SPAG16: variants seen among roughly 807,000 people sequenced by gnomAD.
The protein encoded by SPAG16 is sperm-associated antigen 16 protein.
Under a neutral mutation model 80.4 loss-of-function variants are expected in SPAG16, and 86 were observed. That is an observed-to-expected ratio of 1.07 (90% CI 0.90 to 1.28). The LOEUF is 1.28. Ranked by LOEUF, SPAG16 falls within the 50% of genes most tolerant of loss-of-function variation. SPAG16 has a pLI of 0.00. For synonymous variants in SPAG16, 294 were observed against 265.9 expected (o/e 1.11, Z -1.03); for missense variants, 870 against 765.3 (o/e 1.14, Z -1.61).
chr2:214,124,009 C>CCTAGAATT (rs1559820657), intron 14 of SPAG16, among the ~76,000 whole-genome samples: 1 of 151,496 alleles, frequency 6.6e-6, no homozygotes, highest in African/African-American at 2.4e-5. Context: ...TTTTTTTAAC[C>CCTAGAATT]CTAGAATTCT....
At chr2:213,735,603 G>A (rs1306530921) in intron 10 of SPAG16, among the ~76,000 whole-genome samples, 2 of 152,226 alleles carry the variant, frequency 1.3e-5, no homozygotes, top group Admixed American at 1.3e-4. Flanking sequence ...ATAATGAAAA[G>A]CCTTTAGGGG....
chr2:213,521,610 G>A (rs2075673379), intron 10 of SPAG16, among the ~76,000 whole-genome samples: 1 of 152,186 alleles, frequency 6.6e-6, no homozygotes, highest in African/African-American at 2.4e-5. Context: ...ATGCAGGACA[G>A]ATATTCTTGC....
At chr2:214,145,882 A>G (rs76102347) in intron 14 of SPAG16, among the ~76,000 whole-genome samples, 6,674 of 152,272 alleles carry the variant, frequency 0.044, 205 homozygotes, top group South Asian at 0.073. Context: ...TTCAAAGACC[A>G]AATGTCTAAC....
intron 6 of SPAG16, among the ~76,000 whole-genome samples, chr2:213,345,407 G>T (rs13015825): frequency 0.27 from 24,632 of 90,980 alleles, 4,001 homozygotes; most frequent in Middle Eastern, 0.44. Flanking sequence ...TGTCAATTTT[G>T]GCTTTTGTTG....
At chr2:213,434,542 A>G (rs1302643459) in intron 9 of SPAG16, among the ~76,000 whole-genome samples, 1 of 152,234 alleles carries the variant, frequency 6.6e-6, no homozygotes, top group Non-Finnish European at 1.5e-5. Context: ...AACTTGCAGA[A>G]TAGGAGAAAG....
chr2:214,209,528 T>A (rs1040746411), intron 15 of SPAG16, among the ~76,000 whole-genome samples: 12 of 152,190 alleles, frequency 7.9e-5, no homozygotes, highest in African/African-American at 2.9e-4. Context: ...CTGCTCTTCT[T>A]TCTTGCTCTT....
chr2:213,434,157 T>A (rs1296768392), intron 9 of SPAG16, among the ~76,000 whole-genome samples: 1 of 152,066 alleles, frequency 6.6e-6, no homozygotes, highest in Non-Finnish European at 1.5e-5. Flanking sequence ...TGACCTCAGG[T>A]GATCCACCTG....
chr2:213,472,356 G>C (rs2073126697), intron 9 of SPAG16, among the ~76,000 whole-genome samples: 1 of 152,004 alleles, frequency 6.6e-6, no homozygotes, highest in African/African-American at 2.4e-5. Flanking sequence ...GCTGCAAATG[G>C]AGTCACCACT....
chr2:213,834,015 G>T (rs1379472545), intron 10 of SPAG16, among the ~76,000 whole-genome samples: 1 of 152,032 alleles, frequency 6.6e-6, no homozygotes, highest in Non-Finnish European at 1.5e-5. Context: ...AATCGTGGGG[G>T]CTGGTCCTTC....
chr2:213,985,738 G>C (rs1246996234), intron 12 of SPAG16, among the ~76,000 whole-genome samples: 3 of 152,040 alleles, frequency 2.0e-5, no homozygotes, highest in Non-Finnish European at 4.4e-5. Flanking sequence ...TAAAAGGATG[G>C]AGTACGCAAA....
intron 10 of SPAG16, among the ~76,000 whole-genome samples, chr2:213,585,294 T>TC (rs2060431458): frequency 6.6e-6 from 1 of 151,458 alleles, no homozygotes; most frequent in Non-Finnish European, 1.5e-5. Context: ...TTTTTTTTTT[T>TC]GAAATGGAGT....
intron 9 of SPAG16, among the ~76,000 whole-genome samples, chr2:213,481,907 T>C (rs1447781953): frequency 6.6e-6 from 1 of 152,222 alleles, no homozygotes; most frequent in Admixed American, 6.5e-5. Flanking sequence ...GCAGTGATTT[T>C]TGTAAATGAA....
At chr2:213,948,543 G>C (rs929456738) in intron 12 of SPAG16, among the ~76,000 whole-genome samples, 1 of 152,062 alleles carries the variant, frequency 6.6e-6, no homozygotes, top group African/African-American at 2.4e-5. Context: ...GGTGGTTTAG[G>C]AATATGCATT....
At chr2:213,712,815 C>A (rs1384269703) in intron 10 of SPAG16, among the ~76,000 whole-genome samples, 1 of 152,032 alleles carries the variant, frequency 6.6e-6, no homozygotes, top group African/African-American at 2.4e-5. Flanking sequence ...TTTTGTTTGT[C>A]TTTTAAAAGG....
At chr2:213,951,292 G>T (rs72950722) in intron 12 of SPAG16, among the ~76,000 whole-genome samples, 1 of 151,952 alleles carries the variant, frequency 6.6e-6, no homozygotes, top group Non-Finnish European at 1.5e-5. Context: ...AAATTTGGTT[G>T]TCATAATGAT....
chr2:213,335,817 A>G (rs183284047), intron 5 of SPAG16, among the ~76,000 whole-genome samples: 52 of 152,202 alleles, frequency 3.4e-4, no homozygotes, highest in African/African-American at 1.2e-3. Flanking sequence ...AAAACTACAA[A>G]ATTGGCAGTA....
At chr2:213,463,885 A>C (rs1413399301) in intron 9 of SPAG16, among the ~76,000 whole-genome samples, 2 of 152,196 alleles carry the variant, frequency 1.3e-5, no homozygotes, top group African/African-American at 2.4e-5. Context: ...CCCATAGCTC[A>C]GTGACCATCT....
At chr2:213,417,192 A>C (rs773175188) in intron 9 of SPAG16, among the ~76,000 whole-genome samples, 84 of 151,834 alleles carry the variant, frequency 5.5e-4, no homozygotes, top group Non-Finnish European at 1.0e-3. Flanking sequence ...ATCATACTAT[A>C]TAGAAAAGTA....
At chr2:213,318,163 T>A (rs962884849) in intron 5 of SPAG16, among the ~76,000 whole-genome samples, 4 of 152,006 alleles carry the variant, frequency 2.6e-5, no homozygotes, top group African/African-American at 9.7e-5. Context: ...GTTCCACTAC[T>A]GGGTATCTAC....
Sources: gnomAD v4.1 joint callset for allele counts (sites outside exome capture counted in the v4.1 genomes callset) on GRCh38, gnomAD v4.1.1 for gene constraint, MANE v1.5 for transcripts, NCBI Gene and HGNC (gene_info 2026-07-23, HGNC 2026-07-21) for gene names.